PCBP3: variants seen among roughly 807,000 people sequenced by gnomAD.
PCBP3 encodes the protein poly(rC)-binding protein 3.
In PCBP3, 25 loss-of-function variants were observed where a neutral mutation model predicts 52.7. The observed-to-expected ratio is 0.47, with a 90% CI of 0.35 to 0.66. The LOEUF (loss-of-function observed/expected upper bound fraction) is 0.66, where lower values mean the gene tolerates loss of function less well. Among genes scored for constraint, PCBP3 ranks in the 30% least tolerant of loss-of-function variants. The pLI is 0.01. For missense variants in PCBP3, 391 were observed against 490.3 expected, an observed-to-expected ratio of 0.80 and a Z score of 1.91; for synonymous variants, 162 against 183.0, an observed-to-expected ratio of 0.89 and a Z score of 0.93.
At chr21:45,892,183 C>T (rs1225827121) in intron 5 of PCBP3, among the ~76,000 whole-genome samples, 3 of 152,134 alleles carry the variant, frequency 2.0e-5, no homozygotes, top group South Asian at 2.1e-4. Context: ...GCTGTCACAG[C>T]GTTTGATGGA....
chr21:45,792,959 G>GCTGCA (rs2091705223), intron 4 of PCBP3, among the ~76,000 whole-genome samples: 1 of 152,182 alleles, frequency 6.6e-6, no homozygotes, highest in Non-Finnish European at 1.5e-5. Flanking sequence ...GCAGTCCAAA[G>GCTGCA]ACACCCCTCC....
chr21:45,669,511 GT>G (rs915746940), intron 2 of PCBP3, among the ~76,000 whole-genome samples: 7 of 151,950 alleles, frequency 4.6e-5, no homozygotes, highest in African/African-American at 1.7e-4. Context: ...CATTCATGTT[GT>G]TGTGCAACCA....
intron 14 of PCBP3, 94 bp from the exon 15 acceptor site, chr21:45,930,692 T>G (rs1603543725): frequency 3.0e-6 from 2 of 664,760 alleles, no homozygotes; most frequent in Non-Finnish European, 5.6e-6. Flanking sequence ...CGCCGGTGCG[T>G]GCGCCAGTCA....
chr21:45,780,201 G>A lies in PCBP3; in HGVS notation c.-126+24749G>A, dbSNP rs867024238. ...GTTCTTTGTGACCGTGTGATCTTGC[G>A]TGAGGCAATGTTTTCCTAGTTATGA... On this transcript the variant is annotated intron_variant, in intron 4 of 17. Coordinates refer to ENST00000681687, the MANE Select transcript of PCBP3 (RefSeq NM_001384156.1). 5.3e-5 allele frequency among the ~76,000 whole-genome samples: 8 copies of A among 152,174 alleles called. No homozygotes were observed. In the East Asian group the frequency reaches 7.7e-4, roughly 15 times the overall value.
At chr21:45,909,825 G>GCCCC (rs1258842391) in intron 10 of PCBP3, among the ~76,000 whole-genome samples, 1 of 7,684 alleles carries the variant, frequency 1.3e-4, no homozygotes, top group African/African-American at 5.1e-4. Flanking sequence ...TACGGACCCG[G>GCCCC]CCCACCCACT....
At chr21:45,748,826 A>C (rs1403648579) in intron 3 of PCBP3, among the ~76,000 whole-genome samples, 1 of 152,226 alleles carries the variant, frequency 6.6e-6, no homozygotes, top group African/African-American at 2.4e-5. Flanking sequence ...GTGGAGCAGG[A>C]CTAGCTGAGA....
intron 1 of PCBP3, among the ~76,000 whole-genome samples, chr21:45,655,288 G>T (rs182855338): frequency 6.6e-6 from 1 of 151,402 alleles, no homozygotes; most frequent in Non-Finnish European, 1.5e-5. Flanking sequence ...ATTGTTTCCC[G>T]AAGATGCTGC....
At position 45,791,670 on chromosome 21, in the gene PCBP3, A is replaced by G. The variant is rs2091587943; in HGVS notation, c.-126+36218A>G. The stretch of plus-strand genomic sequence containing the variant: ...TTAATTTCTGTCGAAGTAGAATACA[A>G]CTAAGAAAAAATTTTAAAATACAAC... On this transcript the variant is annotated intron_variant, in intron 4 of 17. Coordinates refer to ENST00000681687, the MANE Select transcript of PCBP3 (RefSeq NM_001384156.1). The surrounding 1 kb of genome is among the most constrained non-coding windows in gnomAD (Gnocchi z 4.2). Among the ~76,000 whole-genome samples, 1 of 152,242 alleles carries G rather than the reference A, an allele frequency of 6.6e-6. No individual in the cohort carries two copies.
At position 45,942,307 on chromosome 21, in the gene PCBP3, T is replaced by A. The variant is rs1399625049; in HGVS notation, c.*601T>A. ...GAGTGGGGTGGAGGGCGGAGCCTGCTGGGGGCCCTGCCTTCACAGAGATGC... is the reference window on the plus strand; with the variant it reads ...GAGTGGGGTGGAGGGCGGAGCCTGCAGGGGGCCCTGCCTTCACAGAGATGC... On this transcript the variant is annotated 3_prime_UTR_variant, in exon 18 of 18. Coordinates refer to ENST00000681687, the MANE Select transcript of PCBP3 (RefSeq NM_001384156.1). The A allele has an allele frequency of 2.6e-5, 4 of 152,284 alleles. No homozygotes were observed. Among genetic ancestry groups the A allele is most frequent in the African/African-American group, 9.6e-5 (4 of 41,458 alleles). 9.4% of individuals were successfully genotyped at this position (152,284 alleles called of 1,614,324 possible).
intron 4 of PCBP3, among the ~76,000 whole-genome samples, chr21:45,783,556 C>T (rs1173919654): frequency 2.6e-5 from 4 of 152,146 alleles, no homozygotes; most frequent in African/African-American, 7.2e-5. Context: ...CAGAGAGTGG[C>T]GGTGGCCTCC....
At chr21:45,712,424 T>C (rs981171012) in intron 2 of PCBP3, among the ~76,000 whole-genome samples, 1 of 152,232 alleles carries the variant, frequency 6.6e-6, no homozygotes, top group Non-Finnish European at 1.5e-5. Context: ...ATTTTCAGAT[T>C]TTTTGATATT....
At chr21:45,661,051 T>A (rs1329790469) in intron 1 of PCBP3, among the ~76,000 whole-genome samples, 5 of 152,134 alleles carry the variant, frequency 3.3e-5, no homozygotes, top group African/African-American at 9.6e-5. Context: ...AAAAAAAATA[T>A]ATATATATAT....
chr21:45,796,629 C>A (rs1473399754), intron 4 of PCBP3, among the ~76,000 whole-genome samples: 1 of 152,042 alleles, frequency 6.6e-6, no homozygotes, highest in Non-Finnish European at 1.5e-5. Context: ...AGTTCTGTGA[C>A]CTCAGTTGTT....
At chr21:45,740,809 G>A (rs1342390663) in intron 3 of PCBP3, among the ~76,000 whole-genome samples, 1 of 152,112 alleles carries the variant, frequency 6.6e-6, no homozygotes, top group Non-Finnish European at 1.5e-5. Context: ...TGTGTTGAGG[G>A]GACTGAGAAG....
intron 4 of PCBP3, among the ~76,000 whole-genome samples, chr21:45,795,750 G>A (rs1171410096): frequency 1.3e-5 from 2 of 152,186 alleles, no homozygotes; most frequent in Non-Finnish European, 2.9e-5. Context: ...GGTTAATACA[G>A]TAGAGCATGG....
intron 1 of PCBP3, among the ~76,000 whole-genome samples, chr21:45,666,798 G>T (rs570734307): frequency 6.6e-6 from 1 of 151,474 alleles, no homozygotes; most frequent in Non-Finnish European, 1.5e-5. Context: ...CGCGATCTCA[G>T]CTCACTGCAA....
At chr21:45,716,509 G>A (rs1284822291) in intron 2 of PCBP3, among the ~76,000 whole-genome samples, 1 of 152,116 alleles carries the variant, frequency 6.6e-6, no homozygotes, top group Non-Finnish European at 1.5e-5. Flanking sequence ...TCCTTGGTTT[G>A]GAGATGACAT....
chr21:45,902,230 T>G (rs2096074043), intron 9 of PCBP3, among the ~76,000 whole-genome samples: 1 of 151,808 alleles, frequency 6.6e-6, no homozygotes, highest in African/African-American at 2.4e-5. Context: ...GCAGAGCCTG[T>G]GGCCTGGCCT....
chr21:45,694,211 A>G (rs1205270537), intron 2 of PCBP3, among the ~76,000 whole-genome samples: 1 of 152,212 alleles, frequency 6.6e-6, no homozygotes, highest in Non-Finnish European at 1.5e-5. Flanking sequence ...CCAAATAGCA[A>G]GATGGTAGAA....
Sources: gnomAD v4.1 joint callset for allele counts (sites outside exome capture counted in the v4.1 genomes callset) on GRCh38, gnomAD v4.1.1 for gene constraint, Gnocchi (gnomAD v3.1) non-coding constraint, MANE v1.5 for transcripts, NCBI Gene and HGNC (gene_info 2026-07-23, HGNC 2026-07-21) for gene names.